The following SNX29 variants were observed in gnomAD, a reference collection of about 807,000 sequenced individuals.
The protein encoded by SNX29 is sorting nexin 29.
A neutral mutation model predicts 102.1 loss-of-function variants in SNX29; 78 were observed. The ratio of observed to expected loss-of-function variants is 0.76; its 90% CI spans 0.64 to 0.92. The LOEUF is 0.92. Among genes scored for constraint, SNX29 ranks in the 40% least tolerant of loss-of-function variants. The pLI is 0.00. For missense variants in SNX29, 1,280 were observed against 1,061.7 expected (o/e 1.21, Z -2.86); for synonymous variants, 580 against 414.5 (o/e 1.40, Z -4.85).
In SNX29 at chr16:12,564,191, C is replaced by T. The variant is rs191812718; in HGVS notation, c.2319-4315C>T. Among the ~76,000 whole-genome samples the T allele has an allele frequency of 8.2e-4, 123 of 150,750 alleles. 1 individual carries two copies. In the East Asian group the frequency reaches 9.1e-3, roughly 11 times the overall value. On this transcript the variant is annotated intron_variant, in intron 20 of 20. Coordinates refer to ENST00000566228, the MANE Select transcript of SNX29 (RefSeq NM_032167.5). ...TTGCTTGAGTTCAGGAGTTTGAGAC[C>T]GTCCTGGGCACCATAGGGAGACCCC... is the stretch of plus-strand genomic sequence containing the variant.
chr16:12,572,823 C>G lies in SNX29; in HGVS notation c.*4194C>G, dbSNP rs768630895. 4 of 1,064,002 alleles carry G rather than the reference C, an allele frequency of 3.8e-6. No homozygotes were observed. Among genetic ancestry groups the G allele is most frequent in the Admixed American group, 5.4e-5 (1 of 18,682 alleles). 65.9% of individuals were successfully genotyped at this position (1,064,002 alleles called of 1,614,324 possible). On this transcript the variant is annotated 3_prime_UTR_variant, in exon 21 of 21. Coordinates refer to ENST00000566228, the MANE Select transcript of SNX29 (RefSeq NM_032167.5). ...TACATCAGACTGGTTAGGAGGCATC[C>G]CAGAAGGGGCAGCCTCATGCCCAGG...
At chr16:12,265,245 CA>C (rs983826244) in intron 14 of SNX29, among the ~76,000 whole-genome samples, 5 of 152,176 alleles carry the variant, frequency 3.3e-5, no homozygotes, top group African/African-American at 1.2e-4. Flanking sequence ...AAGAAGTTTT[CA>C]CTGTCAAACT....
At chr16:12,092,193 C>A (rs2052582166) in intron 11 of SNX29, among the ~76,000 whole-genome samples, 1 of 152,106 alleles carries the variant, frequency 6.6e-6, no homozygotes, top group African/African-American at 2.4e-5. Context: ...GATACAAGCT[C>A]CCTGAGTAGA....
intron 15 of SNX29, 70 bp downstream of exon 15, chr16:12,278,106 C>G (rs2079313465): frequency 7.3e-7 from 1 of 1,375,330 alleles, no homozygotes; most frequent in African/African-American, 1.4e-5. Context: ...CAGGGTAGGT[C>G]CAGCCTATTC....
At chr16:12,148,556 C>T (rs2055162990) in intron 13 of SNX29, among the ~76,000 whole-genome samples, 1 of 152,162 alleles carries the variant, frequency 6.6e-6, no homozygotes, top group Non-Finnish European at 1.5e-5. Context: ...CATGATTAGT[C>T]CCTCTTATTT....
At chr16:12,118,313 C>CTTTTTGTTTTTTTTT (rs2053822570) in intron 11 of SNX29, among the ~76,000 whole-genome samples, 1 of 86,114 alleles carries the variant, frequency 1.2e-5, no homozygotes, top group East Asian at 5.3e-4. Context: ...TACAGACCAC[C>CTTTTTGTTTTTTTTT]TTTTTTTTTT....
At position 12,013,498 on chromosome 16, in the gene SNX29, AAAATATATATATATATATATAT is replaced by A. The variant is rs1311552495; in HGVS notation, c.122+10457_122+10478del. Among the ~76,000 whole-genome samples the A allele has an allele frequency of 2.1e-4, 7 of 33,508 alleles. No individual in the cohort carries two copies. The East Asian group carries it at 0.017, about 80-fold the overall frequency. The allele number at this position is 33,508 out of a possible 152,430, so 22.0% of individuals were successfully genotyped here. ...CTGTCTCTACTGGGGGAAAAAAAAA[AAAATATATATATATATATATAT>A]ATATATATATATATATATATATCGA... On this transcript the variant is annotated intron_variant, in intron 3 of 20. Coordinates refer to ENST00000566228, the MANE Select transcript of SNX29 (RefSeq NM_032167.5).
rs77741106 is a variant in SNX29 at position 12,206,711 on chromosome 16, A to G, written c.1678+7028A>G. Among the ~76,000 whole-genome samples, 1,468 of 151,830 alleles carry G rather than the reference A, an allele frequency of 9.7e-3. 15 individuals carry two copies. Among genetic ancestry groups the G allele is most frequent in the African/African-American group, 0.025 (1,041 of 41,422 alleles). ...TTCCATCTCTTCACCCCACAGAGCA[A>G]TGGTTCCTAGTATTGGCTTTTAATG... On this transcript the variant is annotated intron_variant, in intron 14 of 20. Coordinates refer to ENST00000566228, the MANE Select transcript of SNX29 (RefSeq NM_032167.5).
At chr16:12,514,609 G>T (rs1489016939) in intron 19 of SNX29, among the ~76,000 whole-genome samples, 1 of 152,166 alleles carries the variant, frequency 6.6e-6, no homozygotes, top group Non-Finnish European at 1.5e-5. Context: ...TCATGCCTGT[G>T]ATCCCAGCAC....
chr16:12,195,297 A>G (rs2076746138), intron 13 of SNX29, among the ~76,000 whole-genome samples: 1 of 152,196 alleles, frequency 6.6e-6, no homozygotes, highest in African/African-American at 2.4e-5. Flanking sequence ...TTATCAGACA[A>G]TTAATTTGCA....
At chr16:11,983,787 A>G (rs986162891) in intron 1 of SNX29, 4 of 814,276 alleles carry the variant, frequency 4.9e-6, no homozygotes, top group Non-Finnish European at 5.9e-6. Context: ...ATTTCTCCAA[A>G]TTGTGGCAAT....
intron 14 of SNX29, among the ~76,000 whole-genome samples, chr16:12,269,338 T>A (rs947894459): frequency 6.6e-6 from 1 of 152,162 alleles, no homozygotes; most frequent in Non-Finnish European, 1.5e-5. Flanking sequence ...ATCTTCACAT[T>A]TGGCACGAGA....
chr16:12,255,657 C>T (rs1407090290), intron 14 of SNX29, among the ~76,000 whole-genome samples: 2 of 152,122 alleles, frequency 1.3e-5, no homozygotes, highest in Non-Finnish European at 2.9e-5. Flanking sequence ...TGGTTGAGTT[C>T]ACTTAGCATA....
intron 3 of SNX29, among the ~76,000 whole-genome samples, chr16:12,020,224 G>T (rs2056978039): frequency 6.6e-6 from 1 of 151,944 alleles, no homozygotes; most frequent in African/African-American, 2.4e-5. Flanking sequence ...CTGGGCTCAA[G>T]CAACCCTTCT....
At chr16:12,338,757 G>A (rs192925999) in intron 15 of SNX29, among the ~76,000 whole-genome samples, 16 of 152,286 alleles carry the variant, frequency 1.1e-4, no homozygotes, top group Admixed American at 9.1e-4. Context: ...AGACTCTATG[G>A]AATCTCTCCC....
rs2056741751 is a variant in SNX29, at chr16:12,013,503, ATATATATATATATATATATATATATAT to A, written c.122+10461_122+10487del. ...TCTACTGGGGGAAAAAAAAAAAAAT[ATATATATATATATATATATATATATAT>A]ATATATATATATCGAGAGAGGAGAA... On this transcript the variant is annotated intron_variant, in intron 3 of 20. Transcript: ENST00000566228. 1.1e-4 allele frequency among the ~76,000 whole-genome samples: 6 copies of A among 56,668 alleles called. 1 individual carries two copies. Among genetic ancestry groups the A allele is most frequent in the Non-Finnish European group, 1.8e-4 (6 of 32,508 alleles). 37.2% of individuals were successfully genotyped at this position (56,668 alleles called of 152,430 possible).
In SNX29 at chr16:12,569,576, A is replaced by C. The variant is rs2079141535; in HGVS notation, c.*947A>C. The stretch of plus-strand genomic sequence containing the variant: ...CAGATCATGTGTCTCTCCACTAAAA[A>C]CATTTTCCATCCCGTCTGCCCCCGA... On this transcript the variant is annotated 3_prime_UTR_variant, in exon 21 of 21. Coordinates refer to ENST00000566228, the MANE Select transcript of SNX29 (RefSeq NM_032167.5). The C allele has an allele frequency of 4.3e-6, 1 of 230,538 alleles. No individual in the cohort carries two copies. The highest frequency in any genetic ancestry group is 8.6e-6 in the Non-Finnish European group (1 of 116,492). The allele number at this position is 230,538 out of a possible 1,614,324, so 14.3% of individuals were successfully genotyped here. A position where few individuals can be genotyped will look rare whatever the true frequency, so the allele number is the denominator to read the frequency against.
intron 14 of SNX29, among the ~76,000 whole-genome samples, chr16:12,239,559 G>T (rs1433028067): frequency 6.7e-6 from 1 of 150,246 alleles, no homozygotes; most frequent in Middle Eastern, 3.2e-3. Flanking sequence ...AGGGCATGGT[G>T]GCTCACTCCT....
intron 10 of SNX29, 56 bp from the exon 11 acceptor site, chr16:12,078,777 G>C: frequency 2.1e-6 from 3 of 1,459,632 alleles, no homozygotes; most frequent in Non-Finnish European, 2.8e-6. Context: ...TTGGAATGGT[G>C]AGGGTGTGTA....
Sources: gnomAD v4.1 joint callset for allele counts (sites outside exome capture counted in the v4.1 genomes callset) on GRCh38, gnomAD v4.1.1 for gene constraint, MANE v1.5 for transcripts, NCBI Gene and HGNC (gene_info 2026-07-23, HGNC 2026-07-21) for gene names.